GALNT13: variants seen among roughly 807,000 people sequenced by gnomAD.
GALNT13 encodes the protein polypeptide N-acetylgalactosaminyltransferase 13.
A neutral mutation model predicts 64.2 loss-of-function variants in GALNT13; 28 were observed. The ratio of observed to expected loss-of-function variants is 0.44; its 90% CI spans 0.32 to 0.60. The LOEUF is 0.60. Among genes scored for constraint, GALNT13 ranks in the 20% least tolerant of loss-of-function variants. The pLI is 0.05. For synonymous variants in GALNT13, 214 were observed against 224.6 expected, an observed-to-expected ratio of 0.95 and a Z score of 0.42; for missense variants, 577 against 669.8, an observed-to-expected ratio of 0.86 and a Z score of 1.53.
At chr2:154,055,588 A>G (rs972404918) in intron 3 of GALNT13, among the ~76,000 whole-genome samples, 2 of 152,036 alleles carry the variant, frequency 1.3e-5, no homozygotes, top group Non-Finnish European at 2.9e-5. Context: ...TACAGCTATA[A>G]TTTTAGGGGA....
At chr2:153,972,748 A>G (rs1445380386) in intron 3 of GALNT13, among the ~76,000 whole-genome samples, 1 of 152,022 alleles carries the variant, frequency 6.6e-6, no homozygotes, top group Non-Finnish European at 1.5e-5. Flanking sequence ...CACCTAACAT[A>G]GAGTTATATG....
the GALNT13 span, among the ~76,000 whole-genome samples, chr2:153,529,681 A>G: frequency 6.6e-6 from 1 of 151,908 alleles, no homozygotes; most frequent in Non-Finnish European, 1.5e-5. Flanking sequence ...ACCAAATTCA[A>G]CGGTATGTGG....
At chr2:154,097,096 AT>A (rs1702112933) in intron 3 of GALNT13, among the ~76,000 whole-genome samples, 1 of 152,028 alleles carries the variant, frequency 6.6e-6, no homozygotes, top group Non-Finnish European at 1.5e-5. Context: ...AGAAGTCTTT[AT>A]TTTTATAGAG....
chr2:153,642,459 C>T, the GALNT13 span, among the ~76,000 whole-genome samples: 1 of 151,748 alleles, frequency 6.6e-6, no homozygotes, highest in Non-Finnish European at 1.5e-5. Context: ...CTATTTTAAT[C>T]AGACAAAATA....
At chr2:153,111,864 G>T in the GALNT13 span, among the ~76,000 whole-genome samples, 2 of 152,096 alleles carry the variant, frequency 1.3e-5, no homozygotes. Flanking sequence ...AAATGCTGCT[G>T]TGTTATCTGT....
chr2:153,819,041 G>A, the GALNT13 span, among the ~76,000 whole-genome samples: 2 of 152,154 alleles, frequency 1.3e-5, no homozygotes, highest in East Asian at 3.9e-4. Flanking sequence ...ATTGTGCTAG[G>A]GACTGAGGAA....
At chr2:153,118,088 C>T in the GALNT13 span, among the ~76,000 whole-genome samples, 3 of 130,434 alleles carry the variant, frequency 2.3e-5, no homozygotes, top group Non-Finnish European at 3.2e-5. Flanking sequence ...AGAAACAAAT[C>T]TATAATGTCA....
chr2:154,048,183 G>T (rs1216128703), intron 3 of GALNT13, among the ~76,000 whole-genome samples: 2 of 152,068 alleles, frequency 1.3e-5, no homozygotes, highest in Non-Finnish European at 2.9e-5. Context: ...TAAAAAACTA[G>T]ATCTCATGCT....
intron 3 of GALNT13, among the ~76,000 whole-genome samples, chr2:154,000,288 G>A (rs564001712): frequency 6.6e-6 from 1 of 151,072 alleles, no homozygotes; most frequent in Middle Eastern, 3.4e-3. Flanking sequence ...TCTCTTATAC[G>A]TTTTTATTTC....
At chr2:153,824,231 C>T in the GALNT13 span, among the ~76,000 whole-genome samples, 12 of 152,036 alleles carry the variant, frequency 7.9e-5, no homozygotes, top group African/African-American at 2.9e-4. Flanking sequence ...AGCTATACAG[C>T]AGTTATACAC....
intron 1 of GALNT13, among the ~76,000 whole-genome samples, chr2:153,880,557 C>G (rs1158162092): frequency 6.6e-6 from 1 of 152,090 alleles, no homozygotes; most frequent in East Asian, 1.9e-4. Flanking sequence ...ACTGACTATT[C>G]TACTTTCAAG....
At chr2:153,562,038 C>T in the GALNT13 span, among the ~76,000 whole-genome samples, 15,982 of 122,602 alleles carry the variant, frequency 0.13, 1,162 homozygotes, top group East Asian at 0.26. Context: ...TCCTCTCTCT[C>T]TCTTTCTCTC....
the GALNT13 span, among the ~76,000 whole-genome samples, chr2:153,530,029 A>G: frequency 6.6e-6 from 1 of 152,156 alleles, no homozygotes; most frequent in Non-Finnish European, 1.5e-5. Context: ...GTTATTTAAC[A>G]TAGTACTGGA....
the GALNT13 span, among the ~76,000 whole-genome samples, chr2:153,634,407 T>G: frequency 1.3e-5 from 2 of 152,050 alleles, no homozygotes; most frequent in African/African-American, 2.4e-5. Context: ...ATTTTATAAT[T>G]GTTCTTGATG....
At chr2:154,404,862 A>C (rs1485248925) in intron 10 of GALNT13, among the ~76,000 whole-genome samples, 1 of 152,148 alleles carries the variant, frequency 6.6e-6, no homozygotes, top group Non-Finnish European at 1.5e-5. Context: ...CAAAAACTAC[A>C]GAAAAAGGTG....
the GALNT13 span, among the ~76,000 whole-genome samples, chr2:153,712,993 C>T: frequency 1.3e-5 from 2 of 152,150 alleles, no homozygotes; most frequent in African/African-American, 4.8e-5. Flanking sequence ...ACCAAGTAAG[C>T]AATCTGTGCT....
At chr2:153,759,986 T>A in the GALNT13 span, among the ~76,000 whole-genome samples, 2 of 152,042 alleles carry the variant, frequency 1.3e-5, no homozygotes, top group Non-Finnish European at 2.9e-5. Context: ...ATTTTTTATA[T>A]ATTTTCTATT....
chr2:154,344,590 T>G (rs1478070420), intron 9 of GALNT13, among the ~76,000 whole-genome samples: 1 of 151,992 alleles, frequency 6.6e-6, no homozygotes, highest in Non-Finnish European at 1.5e-5. Context: ...CAGCTCAAGG[T>G]GGTTTAATAA....
chr2:153,868,228 A>C (rs1272837560), upstream of GALNT13, among the ~76,000 whole-genome samples: 1 of 152,082 alleles, frequency 6.6e-6, no homozygotes, highest in Non-Finnish European at 1.5e-5. Flanking sequence ...GGGATGTATG[A>C]CTGAACCCTA....
Sources: allele counts gnomAD v4.1 joint callset (sites outside exome capture counted in the v4.1 genomes callset), GRCh38; gene constraint gnomAD v4.1.1; transcripts MANE v1.5; gene names NCBI Gene and HGNC (gene_info 2026-07-23, HGNC 2026-07-21).